ZNF138: variants seen among roughly 807,000 people sequenced by gnomAD.
The protein encoded by ZNF138 is zinc finger protein 138, also known as zinc finger protein 138 (clone pHZ-32).
A neutral mutation model predicts 33.0 loss-of-function variants in ZNF138; 33 were observed. The ratio of observed to expected loss-of-function variants is 1.00; its 90% CI spans 0.76 to 1.34. ZNF138 has a LOEUF of 1.34. Among genes scored for constraint, ZNF138 ranks in the 40% most tolerant of loss-of-function variants. ZNF138 has a pLI of 0.00. For synonymous variants in ZNF138, 139 were observed against 120.4 expected (o/e 1.15, Z -1.01); for missense variants, 360 against 370.8 (o/e 0.97, Z 0.24).
chr7:64,802,905 C>T (rs116794955), intron 1 of ZNF138, among the ~76,000 whole-genome samples: 2,174 of 151,200 alleles, frequency 0.014, 52 homozygotes, highest in African/African-American at 0.05. Context: ...CTCGTTTTGT[C>T]TTGTCTTATG....
intron 1 of ZNF138, among the ~76,000 whole-genome samples, chr7:64,808,527 C>T (rs189965116): frequency 5.9e-5 from 9 of 152,060 alleles, no homozygotes; most frequent in Admixed American, 2.6e-4. Context: ...TTGTAACTTA[C>T]GAGGTCATTT....
chr7:64,834,536 G>T (rs141222824), downstream of ZNF138, among the ~76,000 whole-genome samples: 1 of 152,138 alleles, frequency 6.6e-6, no homozygotes, highest in East Asian at 1.9e-4. Flanking sequence ...CAGAATTTAT[G>T]AAAAGTGAAT....
At chr7:64,815,447 G>T in intron 2 of ZNF138, 129 bp from the exon 3 acceptor site, 3 of 669,920 alleles carry the variant, frequency 4.5e-6, no homozygotes, top group Non-Finnish European at 4.6e-6. Context: ...AGCATTTTGG[G>T]ATTAATTTAC....
At chr7:64,807,973 A>G (rs1474859502) in intron 1 of ZNF138, among the ~76,000 whole-genome samples, 2 of 152,186 alleles carry the variant, frequency 1.3e-5, no homozygotes, top group East Asian at 3.9e-4. Flanking sequence ...GAGCTAGCCA[A>G]TCAAGACAGG....
rs1205847469 is a variant in ZNF138, at chr7:64,818,748, TA to T, written c.208+3111del. Among the ~76,000 whole-genome samples the T allele has an allele frequency of 8.0e-3, 1,078 of 134,122 alleles. 6 individuals carry two copies. Among genetic ancestry groups the T allele is most frequent in the African/African-American group, 0.013 (473 of 36,506 alleles). 88.0% of individuals were successfully genotyped at this position (134,122 alleles called of 152,430 possible). ...CTGGGTGACAGAGCGAGACTCCATC[TA>T]AAAAAAAAAAAAAAAGTGCTTATTG... On this transcript the variant is annotated intron_variant, in intron 3 of 3. Transcript: ENST00000307355.
rs140474941 is a variant in ZNF138 at position 64,802,914 on chromosome 7, T to C, written c.3+8343T>C. Among the ~76,000 whole-genome samples, 230 of 150,804 alleles carry C rather than the reference T, an allele frequency of 1.5e-3. 3 individuals carry two copies. The East Asian group carries it at 0.039, about 26-fold the overall frequency. On this transcript the variant is annotated intron_variant, in intron 1 of 3. Transcript: ENST00000307355. ...CCCTGCCTCGTTTTGTCTTGTCTTA[T>C]GTTAAAAAAAAAAAATGCAGATTCA... is the stretch of plus-strand genomic sequence containing the variant.
Position 64,794,446 on chromosome 7 carries a change from C to G in ZNF138, c.-123C>G, listed in dbSNP as rs1238306568. ...GGTCTTTGTCTCGCTGCAGCGGGTG[C>G]TGCAGGTCTGGCCTTCACTTTTCTG... On this transcript the variant is annotated 5_prime_UTR_variant, in exon 1 of 4. Coordinates refer to ENST00000307355, the MANE Select transcript of ZNF138 (RefSeq NM_001271639.2). The G allele has an allele frequency of 1.5e-6, 2 of 1,295,108 alleles. No individual in the cohort carries two copies. Among genetic ancestry groups the G allele is most frequent in the Non-Finnish European group, 2.1e-6 (2 of 960,524 alleles). The allele number at this position is 1,295,108 out of a possible 1,614,324, so 80.2% of individuals were successfully genotyped here. A position where few individuals can be genotyped will look rare whatever the true frequency, so the allele number is the denominator to read the frequency against.
At chr7:64,837,115 A>T (rs1790391598), downstream of ZNF138, among the ~76,000 whole-genome samples, 1 of 152,164 alleles carries the variant, frequency 6.6e-6, no homozygotes. Context: ...CACATGGAGA[A>T]TTCATGCGGT....
At chr7:64,807,378 C>T (rs10155953) in intron 1 of ZNF138, among the ~76,000 whole-genome samples, 95,757 of 152,074 alleles carry the variant, frequency 0.63, 30,653 homozygotes, top group African/African-American at 0.72. Context: ...CTAATCAAAG[C>T]GCAGATTTCA....
chr7:64,821,457 A>C (rs1789139883), intron 3 of ZNF138, among the ~76,000 whole-genome samples: 1 of 151,242 alleles, frequency 6.6e-6, no homozygotes, highest in Non-Finnish European at 1.5e-5. Context: ...TGTTTTTTCA[A>C]ATGCTTTTTC....
At chr7:64,859,681 A>C in the ZNF138 span, among the ~76,000 whole-genome samples, 1 of 152,224 alleles carries the variant, frequency 6.6e-6, no homozygotes, top group Non-Finnish European at 1.5e-5. Flanking sequence ...GCACAATGAG[A>C]TTTCCTGTGG....
chr7:64,858,660 G>A, the ZNF138 span, among the ~76,000 whole-genome samples: 653 of 152,186 alleles, frequency 4.3e-3, 8 homozygotes, highest in Middle Eastern at 0.031. Flanking sequence ...ACCCCCTGTC[G>A]CAGGCAATCA....
intron 1 of ZNF138, among the ~76,000 whole-genome samples, chr7:64,810,478 T>C (rs1247350790): frequency 1.4e-5 from 2 of 138,196 alleles, no homozygotes. Context: ...AGGGAGAGCG[T>C]ATTTCTGTTT....
chr7:64,828,141 CTT>C (rs1236945283), intron 3 of ZNF138, among the ~76,000 whole-genome samples: 1 of 150,778 alleles, frequency 6.6e-6, no homozygotes, highest in African/African-American at 2.4e-5. Flanking sequence ...AGAGAAAAAA[CTT>C]TTGGATTTGA....
Position 64,811,741 on chromosome 7 carries a change from G to A in ZNF138, c.4-3177G>A, listed in dbSNP as rs542551096. On this transcript the variant is annotated intron_variant, in intron 1 of 3. Transcript: ENST00000307355. ...TTTGTCCTAGAAGTATTTGTATTTTGACAAGAGTGCTGAGTGTAAGGAACT... is the reference window on the plus strand; with the variant it reads ...TTTGTCCTAGAAGTATTTGTATTTTAACAAGAGTGCTGAGTGTAAGGAACT... 2.0e-5 allele frequency among the ~76,000 whole-genome samples: 3 copies of A among 152,294 alleles called. No homozygotes were observed. In the East Asian group the frequency reaches 5.8e-4, roughly 29 times the overall value.
At position 64,831,972 on chromosome 7, in the gene ZNF138, A is replaced by T; in HGVS notation, c.730A>T (p.Ile244Phe). 1 of 1,613,496 alleles carries T rather than the reference A, an allele frequency of 6.2e-7. No individual in the cohort carries two copies. The highest frequency in any genetic ancestry group is 2.2e-5 in the East Asian group (1 of 44,858). The change falls in exon 4 of 4, where the codon ATT becomes TTT. Residue 244 changes from isoleucine to phenylalanine, a missense_variant. Physicochemically the swap from Ile to Phe is conservative, Grantham distance 21 (BLOSUM62 0). Coordinates refer to ENST00000307355, the MANE Select transcript of ZNF138 (RefSeq NM_001271639.2). ...CTCAATCCTTACTAAACATAAGATA[A>T]TTCGTACTGGAGAAAAACCCTATAA... is the stretch of plus-strand genomic sequence containing the variant. The part of the protein sequence containing the change: ...QSSILTKHKI[I>F]RTGEKPYKCA...
At chr7:64,841,235 T>A in the ZNF138 span, among the ~76,000 whole-genome samples, 19 of 152,316 alleles carry the variant, frequency 1.2e-4, no homozygotes, top group African/African-American at 3.8e-4. Context: ...TTTCCAAAAT[T>A]GTGTATTTTA....
chr7:64,808,730 G>A (rs1787819854), intron 1 of ZNF138, among the ~76,000 whole-genome samples: 1 of 141,952 alleles, frequency 7.0e-6, no homozygotes, highest in Admixed American at 7.2e-5. Flanking sequence ...CTAGGCAGAG[G>A]ACCCTGCGGC....
At position 64,832,494 on chromosome 7, in the gene ZNF138, C is replaced by A; in HGVS notation, c.*292C>A. 1 of 1,104,708 alleles carries A rather than the reference C, an allele frequency of 9.1e-7. No individual in the cohort carries two copies. The highest frequency in any genetic ancestry group is 1.2e-6 in the Non-Finnish European group (1 of 810,890). 68.4% of individuals were successfully genotyped at this position (1,104,708 alleles called of 1,614,324 possible). On this transcript the variant is annotated 3_prime_UTR_variant, in exon 4 of 4. Coordinates refer to ENST00000307355, the MANE Select transcript of ZNF138 (RefSeq NM_001271639.2). ...TAAGAAAATTCATACTGGGGAGAAA[C>A]CCCACAAATGTGGAGAATGCGGAAA...
Sources: gnomAD v4.1 joint callset for allele counts (sites outside exome capture counted in the v4.1 genomes callset) on GRCh38, gnomAD v4.1.1 for gene constraint, MANE v1.5 for transcripts, NCBI Gene and HGNC (gene_info 2026-07-23, HGNC 2026-07-21) for gene names.